TIMM17A: variants seen among roughly 807,000 people sequenced by gnomAD.
TIMM17A encodes translocase of inner mitochondrial membrane 17A.
In TIMM17A, 15 loss-of-function variants were observed where a neutral mutation model predicts 26.5. That is an observed-to-expected ratio of 0.57 (90% CI 0.38 to 0.87). The LOEUF is 0.87. Ranked by LOEUF, TIMM17A falls within the 40% of genes least tolerant of loss-of-function variation. The pLI, the probability that TIMM17A is intolerant of heterozygous loss-of-function variation, is 0.00. For synonymous variants in TIMM17A, 80 were observed against 70.8 expected (o/e 1.13, Z -0.66); for missense variants, 201 against 210.0 (o/e 0.96, Z 0.27).
At chr1:201,967,165 A>G (rs1036990753) in intron 5 of TIMM17A, among the ~76,000 whole-genome samples, 2 of 151,892 alleles carry the variant, frequency 1.3e-5, no homozygotes, top group Non-Finnish European at 2.9e-5. Context: ...ATACATCCCA[A>G]TTTGCTTTGA....
chr1:201,966,714 C>T (rs1361868208), intron 5 of TIMM17A, among the ~76,000 whole-genome samples: 2 of 151,440 alleles, frequency 1.3e-5, no homozygotes, highest in Admixed American at 1.3e-4. Flanking sequence ...TGGTGGCACA[C>T]GCCTGTAATC....
intron 4 of TIMM17A, among the ~76,000 whole-genome samples, chr1:201,964,513 T>A (rs1048004789): frequency 1.3e-5 from 2 of 152,112 alleles, no homozygotes; most frequent in Non-Finnish European, 2.9e-5. Context: ...GGCTGTGTGG[T>A]CTTTGTCATA....
Position 201,969,661 on chromosome 1 carries a change from C to A in TIMM17A, c.*107C>A. On this transcript the variant is annotated 3_prime_UTR_variant, in exon 6 of 6. Coordinates refer to ENST00000367287, the MANE Select transcript of TIMM17A (RefSeq NM_006335.3). ...AAAACCATAGGTGGGACAGCTATGG[C>A]CAATAGGCTATAAAGAGACATTTAG... The A allele has an allele frequency of 1.1e-6, 1 of 881,484 alleles. No individual in the cohort carries two copies. The highest frequency in any genetic ancestry group is 1.8e-6 in the Non-Finnish European group (1 of 541,072). 54.6% of individuals were successfully genotyped at this position (881,484 alleles called of 1,614,324 possible).
chr1:201,969,460 C>G lies in TIMM17A; in HGVS notation c.431-9C>G, dbSNP rs770227303. On this transcript the variant is annotated splice_polypyrimidine_tract_variant and intron_variant, in intron 5 of 5. Transcript: ENST00000367287. ...TGATTTTTAAATCCTTTTTATTTCTCACTTGCAGGTCCTCAGTTTGCAGAA... is the reference window on the plus strand; with the variant it reads ...TGATTTTTAAATCCTTTTTATTTCTGACTTGCAGGTCCTCAGTTTGCAGAA... The G allele has an allele frequency of 1.1e-5, 18 of 1,607,392 alleles. No homozygotes were observed. Among genetic ancestry groups the G allele is most frequent in the Non-Finnish European group, 1.5e-5 (18 of 1,174,968 alleles).
intron 5 of TIMM17A, among the ~76,000 whole-genome samples, chr1:201,969,105 A>G (rs1346635921): frequency 1.3e-5 from 2 of 152,222 alleles, no homozygotes; most frequent in Non-Finnish European, 2.9e-5. Context: ...TAGCTACTGA[A>G]AAATATGACA....
In TIMM17A at chr1:201,959,106, A is replaced by G. The variant is rs192089403; in HGVS notation, c.190+1532A>G. Among the ~76,000 whole-genome samples, 508 of 152,338 alleles carry G rather than the reference A, an allele frequency of 3.3e-3. 4 individuals are homozygous for G. Among genetic ancestry groups the G allele is most frequent in the African/African-American group, 0.011 (466 of 41,570 alleles). The stretch of plus-strand genomic sequence containing the variant: ...CATATAGGTTTTTGCTTGTTTTTTG[A>G]GAGGCTGCTTCTATCACCTTACGCA... On this transcript the variant is annotated intron_variant, in intron 3 of 5. Coordinates refer to ENST00000367287, the MANE Select transcript of TIMM17A (RefSeq NM_006335.3).
At chr1:201,960,701 G>A (rs973747497) in intron 3 of TIMM17A, among the ~76,000 whole-genome samples, 2 of 152,096 alleles carry the variant, frequency 1.3e-5, no homozygotes, top group African/African-American at 4.8e-5. Context: ...AGATCAAGGT[G>A]CAGGGAGGGA....
intron 4 of TIMM17A, 79 bp downstream of exon 4, chr1:201,963,823 T>A (rs2102944383): frequency 1.4e-6 from 2 of 1,452,488 alleles, no homozygotes; most frequent in East Asian, 4.7e-5. Context: ...ATGACATCTG[T>A]AATATATAAA....
At position 201,970,334 on chromosome 1, in the gene TIMM17A, G is replaced by A. The variant is rs1259737163; in HGVS notation, c.*780G>A. On this transcript the variant is annotated 3_prime_UTR_variant, in exon 6 of 6. Transcript: ENST00000367287. ...TCTTGTATGCTTGAAAATAAAGTAT[G>A]TACTGTTTTGAATGTGTTCCAAGTC... 1 of 152,208 alleles carries A rather than the reference G, an allele frequency of 6.6e-6. No homozygotes were observed. The allele number at this position is 152,208 out of a possible 1,614,324, so 9.4% of individuals were successfully genotyped here.
chr1:201,955,544 A>G lies in TIMM17A; in HGVS notation c.18A>G (p.Arg6=), dbSNP rs1682393090. 5 of 1,614,106 alleles carry G rather than the reference A, an allele frequency of 3.1e-6. No individual in the cohort carries two copies. The highest frequency in any genetic ancestry group is 3.4e-6 in the Non-Finnish European group (4 of 1,180,044). MEEYA[R]EPCPWRIVDD... is the part of the protein sequence containing the mutation. ...GAGTCAAGATGGAGGAGTACGCGCG[A>G]GAGCCTTGGTGAGCTTCACCGCTGT... The change falls in exon 1 of 6, where the codon CGA becomes CGG. Residue 6 remains arginine (R), a synonymous_variant. Transcript: ENST00000367287.
chr1:201,955,612 C>G (rs1682395384), intron 1 of TIMM17A, 60 bp downstream of exon 1: 3 of 1,611,564 alleles, frequency 1.9e-6, no homozygotes, highest in Non-Finnish European at 2.5e-6. Context: ...CCTCCTTCTC[C>G]CTTGTCCAGG....
intron 3 of TIMM17A, chr1:201,962,071 C>G (rs1278008145): frequency 1.3e-5 from 2 of 152,068 alleles, no homozygotes; most frequent in Admixed American, 6.6e-5. Context: ...CTCAAATTCT[C>G]CATTCTCATT....
rs369755123 is a variant in TIMM17A at position 201,957,367 on chromosome 1, G to T, written c.113G>T (p.Arg38Leu). Residue 38 changes from arginine (R) to leucine (L), a missense_variant, in exon 2 of 6, where the codon CGC (arginine) becomes CTC (leucine). Transcript: ENST00000367287. ...GGIFQAIKGF[R>L]NSPVGVNHRL... is the part of the protein sequence containing the mutation. ...ATCTTTCAAGCAATCAAAGGTTTTC[G>T]CAATTCTCCAGTGGTAAGTGGGTGA... The T allele has an allele frequency of 2.7e-5, 44 of 1,613,398 alleles. No individual in the cohort carries two copies. The highest frequency in any genetic ancestry group is 3.7e-5 in the Non-Finnish European group (44 of 1,179,466).
At chr1:201,961,666 TAGAG>T (rs1292704318) in intron 3 of TIMM17A, among the ~76,000 whole-genome samples, 3 of 152,078 alleles carry the variant, frequency 2.0e-5, no homozygotes, top group African/African-American at 4.8e-5. Context: ...CTTGACAACT[TAGAG>T]AGAATGCCTC....
At position 201,955,524 on chromosome 1, in the gene TIMM17A, A is replaced by G. The variant is rs945066234; in HGVS notation, c.-3A>G. On this transcript the variant is annotated 5_prime_UTR_variant, in exon 1 of 6. Transcript: ENST00000367287. The stretch of plus-strand genomic sequence containing the variant: ...CGGCATCACTCGCGGCATTGGAGTC[A>G]AGATGGAGGAGTACGCGCGAGAGCC... 1 of 1,614,254 alleles carries G rather than the reference A, an allele frequency of 6.2e-7. No homozygotes were observed. The highest frequency in any genetic ancestry group is 1.1e-5 in the South Asian group (1 of 91,088).
At chr1:201,965,047 G>A (rs1006661890) in intron 4 of TIMM17A, among the ~76,000 whole-genome samples, 6 of 151,756 alleles carry the variant, frequency 4.0e-5, no homozygotes, top group Non-Finnish European at 8.8e-5. Context: ...TGCTTCCTGG[G>A]TTCAAGCAAT....
In TIMM17A at chr1:201,963,635, AG is replaced by A; in HGVS notation, c.213del (p.Leu72CysfsTer4). 6.2e-7 allele frequency: 1 copy of A among 1,602,896 alleles called. No homozygotes were observed. Among genetic ancestry groups the A allele is most frequent in the Non-Finnish European group, 8.5e-7 (1 of 1,177,228 alleles). On this transcript the variant is annotated frameshift_variant, in exon 4 of 6. Transcript: ENST00000367287. LOFTEE classifies it high-confidence loss of function. ...QLGGSFAVWG[G>X]LFSMIDCSMV... ...AAATAGGTAGCTTTGCAGTTTGGGG[AG>A]GGCTGTTTTCCATGATTGACTGTAG...
In TIMM17A at chr1:201,955,534, A is replaced by G. The variant is rs763958411; in HGVS notation, c.8A>G (p.Glu3Gly). The G allele has an allele frequency of 5.1e-5, 83 of 1,614,250 alleles. No homozygotes were observed. Among genetic ancestry groups the G allele is most frequent in the Non-Finnish European group, 6.5e-5 (77 of 1,180,050 alleles). Reference protein sequence around the residue: MEEYAREPCPWRI... With the variant: MEGYAREPCPWRI... ...CGCGGCATTGGAGTCAAGATGGAGGAGTACGCGCGAGAGCCTTGGTGAGCT... is the reference window on the plus strand; with the variant it reads ...CGCGGCATTGGAGTCAAGATGGAGGGGTACGCGCGAGAGCCTTGGTGAGCT... The change falls in exon 1 of 6, where the codon GAG becomes GGG. Residue 3 changes from glutamate to glycine, a missense_variant. Physicochemically the swap from Glu to Gly is moderately conservative, Grantham distance 98. Coordinates refer to ENST00000367287, the MANE Select transcript of TIMM17A (RefSeq NM_006335.3).
chr1:201,959,834 A>C (rs538496001), intron 3 of TIMM17A, among the ~76,000 whole-genome samples: 120 of 151,200 alleles, frequency 7.9e-4, no homozygotes, highest in Middle Eastern at 3.4e-3. Context: ...ATACAAAAAA[A>C]AACAACAACA....
Sources: allele counts gnomAD v4.1 joint callset (sites outside exome capture counted in the v4.1 genomes callset), GRCh38; gene constraint gnomAD v4.1.1; transcripts MANE v1.5; gene names NCBI Gene and HGNC (gene_info 2026-07-23, HGNC 2026-07-21).